ARHGAP6: variants seen among roughly 807,000 people sequenced by gnomAD.
ARHGAP6 encodes the protein rho GTPase-activating protein 6.
In ARHGAP6, 16 loss-of-function variants were observed where a neutral mutation model predicts 55.7. That is an observed-to-expected ratio of 0.29 (90% CI 0.19 to 0.44). The LOEUF (loss-of-function observed/expected upper bound fraction) is 0.44. Ranked by LOEUF, ARHGAP6 falls within the 20% of genes least tolerant of loss-of-function variation. ARHGAP6 has a pLI of 1.00. For synonymous variants in ARHGAP6, 382 were observed against 360.9 expected (o/e 1.06, Z -0.66); for missense variants, 698 against 808.9 (o/e 0.86, Z 1.66).
intron 1 of ARHGAP6, among the ~76,000 whole-genome samples, chrX:11,368,038 T>C (rs778005264): frequency 5.3e-5 from 6 of 112,630 alleles, no homozygotes; most frequent in African/African-American, 1.6e-4. Flanking sequence ...CTGACTCATT[T>C]ACTAAACCCA....
intron 1 of ARHGAP6, among the ~76,000 whole-genome samples, chrX:11,462,951 G>T (rs1362210539): frequency 8.9e-6 from 1 of 112,575 alleles, no homozygotes; most frequent in Non-Finnish European, 1.9e-5. Context: ...GTGTATTCTT[G>T]TATCTCTCCT....
intron 1 of ARHGAP6, among the ~76,000 whole-genome samples, chrX:11,280,604 G>T (rs781622601): frequency 9.1e-6 from 1 of 109,726 alleles, no homozygotes; most frequent in African/African-American, 3.3e-5. Context: ...TTTAGGCCAG[G>T]CATGGTGGCT....
At chrX:11,294,732 T>C (rs2048052456) in intron 1 of ARHGAP6, 2 of 1,141,138 alleles carry the variant, frequency 1.8e-6, no homozygotes, top group Non-Finnish European at 1.2e-6. Flanking sequence ...ATTACATCCA[T>C]GTTTCAGAAG....
chrX:11,575,080 T>C (rs1402002001), intron 1 of ARHGAP6, among the ~76,000 whole-genome samples: 1 of 111,668 alleles, frequency 9.0e-6, no homozygotes, highest in Non-Finnish European at 1.9e-5. Flanking sequence ...ACCTCCCTTG[T>C]AGGTAGGATG....
At chrX:11,599,139 T>G (rs957977152) in intron 1 of ARHGAP6, among the ~76,000 whole-genome samples, 9 of 111,708 alleles carry the variant, frequency 8.1e-5, no homozygotes, top group African/African-American at 2.9e-4. Flanking sequence ...CCTCATCTTC[T>G]TGATCTCTTC....
At chrX:11,298,079 T>C in intron 1 of ARHGAP6, 1 of 1,209,611 alleles carries the variant, frequency 8.3e-7, no homozygotes, top group Non-Finnish European at 1.1e-6. Context: ...CCAACAAATT[T>C]TTACCTTCTT....
At chrX:11,537,693 T>C (rs1202154428) in intron 1 of ARHGAP6, among the ~76,000 whole-genome samples, 1 of 112,141 alleles carries the variant, frequency 8.9e-6, no homozygotes, top group Non-Finnish European at 1.9e-5. Flanking sequence ...GTTACACTCA[T>C]AAATTATTGG....
At chrX:11,449,610 TA>T (rs1346779477) in intron 1 of ARHGAP6, among the ~76,000 whole-genome samples, 1 of 112,302 alleles carries the variant, frequency 8.9e-6, no homozygotes, top group Admixed American at 9.4e-5. Flanking sequence ...AGTCATCATT[TA>T]TTTTCTACAT....
At chrX:11,262,911 A>T (rs1354954821) in intron 1 of ARHGAP6, among the ~76,000 whole-genome samples, 1 of 111,298 alleles carries the variant, frequency 9.0e-6, no homozygotes, top group African/African-American at 3.3e-5. Flanking sequence ...TGTAGGGATA[A>T]TATCAGACAA....
Position 11,275,385 on chromosome X carries a change from A to T in ARHGAP6, c.589-20678T>A, listed in dbSNP as rs1406621402. On this transcript the variant is annotated intron_variant, in intron 1 of 12. Transcript: ENST00000337414. ...TAGGGGCAATGATTCTGTGGTTCAAATACATCAGTATGGGTTCCCTGCAGT... is the reference window on the plus strand; with the variant it reads ...TAGGGGCAATGATTCTGTGGTTCAATTACATCAGTATGGGTTCCCTGCAGT... Among the ~76,000 whole-genome samples, 3 of 112,014 alleles carry T rather than the reference A, an allele frequency of 2.7e-5. No individual in the cohort carries two copies. The East Asian group carries it at 8.5e-4, about 32-fold the overall frequency.
intron 2 of ARHGAP6, among the ~76,000 whole-genome samples, chrX:11,197,253 A>T (rs905311751): frequency 1.8e-5 from 2 of 111,721 alleles, no homozygotes; most frequent in Admixed American, 9.5e-5. Flanking sequence ...GAAGTAATTT[A>T]GCTTTGACAT....
intron 1 of ARHGAP6, among the ~76,000 whole-genome samples, chrX:11,257,220 G>A (rs1023868224): frequency 1.4e-4 from 16 of 111,701 alleles, no homozygotes; most frequent in African/African-American, 4.6e-4. Context: ...AGGTACCTAC[G>A]GGAGCTGACT....
intron 1 of ARHGAP6, among the ~76,000 whole-genome samples, chrX:11,408,941 G>C (rs1007457016): frequency 1.9e-5 from 2 of 107,312 alleles, no homozygotes; most frequent in Admixed American, 2.0e-4. Flanking sequence ...ACACACACAC[G>C]CATCCTCCAA....
intron 1 of ARHGAP6, among the ~76,000 whole-genome samples, chrX:11,602,777 C>T (rs1157904894): frequency 8.9e-6 from 1 of 112,329 alleles, no homozygotes; most frequent in East Asian, 2.8e-4. Flanking sequence ...GAGCTCTTTA[C>T]TAAACCTCTG....
At chrX:11,161,569 G>A (rs1048010623) in intron 9 of ARHGAP6, among the ~76,000 whole-genome samples, 5 of 110,373 alleles carry the variant, frequency 4.5e-5, no homozygotes, top group Non-Finnish European at 9.4e-5. Context: ...ACTTAATGGG[G>A]GGTGTTACGG....
intron 1 of ARHGAP6, chrX:11,300,597 T>C: frequency 8.4e-7 from 1 of 1,191,133 alleles, no homozygotes; most frequent in East Asian, 3.0e-5. Flanking sequence ...TCTTTTGCAA[T>C]TTTTTTCAGG....
intron 2 of ARHGAP6, among the ~76,000 whole-genome samples, chrX:11,198,295 T>C (rs182272082): frequency 1.8e-5 from 2 of 112,010 alleles, no homozygotes; most frequent in African/African-American, 6.5e-5. Context: ...GCAATTTGTA[T>C]TGGGGAAATT....
chrX:11,214,142 A>G (rs1467562532), intron 2 of ARHGAP6, among the ~76,000 whole-genome samples: 2 of 110,732 alleles, frequency 1.8e-5, no homozygotes, highest in East Asian at 5.7e-4. Flanking sequence ...ATCTATGAAT[A>G]TAAAAGGAAA....
In ARHGAP6 at chrX:11,660,530, C is replaced by CAA. The variant is rs56274949; in HGVS notation, c.588+3709_588+3710dup. ...CAACAGGGTGAGACTCTCTCTCTCT[C>CAA]AAAAAAAAAAAAAAAAAAAAAAAAA... On this transcript the variant is annotated intron_variant, in intron 1 of 12. Coordinates refer to ENST00000337414, the MANE Select transcript of ARHGAP6 (RefSeq NM_013427.3). Among the ~76,000 whole-genome samples, 6 of 27,303 alleles carry CAA rather than the reference C, an allele frequency of 2.2e-4. 2 individuals carry two copies. Among genetic ancestry groups the CAA allele is most frequent in the East Asian group, 1.9e-3 (1 of 534 alleles). 23.7% of individuals were successfully genotyped at this position (27,303 alleles called of 115,157 possible).
Sources: gnomAD v4.1 joint callset for allele counts (sites outside exome capture counted in the v4.1 genomes callset) on GRCh38, gnomAD v4.1.1 for gene constraint, MANE v1.5 for transcripts, NCBI Gene and HGNC (gene_info 2026-07-23, HGNC 2026-07-21) for gene names.